Variants in LRGUK observed in about 807,000 individuals in gnomAD.
The protein encoded by LRGUK is leucine-rich repeat and guanylate kinase domain-containing protein.
LRGUK carries 65 observed loss-of-function variants against 76.0 expected under a neutral mutation model. The ratio of observed to expected loss-of-function variants is 0.85; its 90% CI spans 0.70 to 1.05. LRGUK has a LOEUF of 1.05. LRGUK is among the 50% of genes least tolerant of loss of function. The pLI, the probability that LRGUK is intolerant of heterozygous loss-of-function variation, is 0.00. For missense variants in LRGUK, 758 were observed against 732.8 expected (o/e 1.03, Z -0.40); for synonymous variants, 268 against 265.6 (o/e 1.01, Z -0.09).
At chr7:134,130,780 C>T (rs376617646) in intron 1 of LRGUK, among the ~76,000 whole-genome samples, 60 of 152,250 alleles carry the variant, frequency 3.9e-4, no homozygotes, top group East Asian at 2.7e-3. Context: ...GCAGTATGGA[C>T]CACCTGTTCA....
At chr7:134,183,993 A>G in intron 11 of LRGUK, 140 bp downstream of exon 11, 1 of 1,139,542 alleles carries the variant, frequency 8.8e-7, no homozygotes, top group Non-Finnish European at 1.2e-6. Flanking sequence ...AAACAACTTA[A>G]TATTTAAGTT....
chr7:134,218,593 A>G (rs1345636601), intron 15 of LRGUK, among the ~76,000 whole-genome samples: 1 of 152,196 alleles, frequency 6.6e-6, no homozygotes, highest in Non-Finnish European at 1.5e-5. Flanking sequence ...TGACCTGGCT[A>G]CATGCCTGTG....
chr7:134,156,596 T>C (rs1798469939), intron 5 of LRGUK, among the ~76,000 whole-genome samples: 1 of 152,130 alleles, frequency 6.6e-6, no homozygotes, highest in African/African-American at 2.4e-5. Context: ...CTGGCAGAAA[T>C]AGGGAATTCT....
At chr7:134,236,317 C>T (rs1352867409) in intron 16 of LRGUK, among the ~76,000 whole-genome samples, 1 of 152,102 alleles carries the variant, frequency 6.6e-6, no homozygotes, top group Non-Finnish European at 1.5e-5. Flanking sequence ...GGTTTTATTG[C>T]ACAAGTGTGC....
At chr7:134,205,718 CA>C (rs1198572472) in intron 15 of LRGUK, among the ~76,000 whole-genome samples, 1 of 151,842 alleles carries the variant, frequency 6.6e-6, no homozygotes, top group Non-Finnish European at 1.5e-5. Flanking sequence ...AACCAATAAC[CA>C]TTAACTTGAT....
In LRGUK at chr7:134,252,417, G is replaced by A. The variant is rs148594396; in HGVS notation, c.2198+3341G>A. Among the ~76,000 whole-genome samples, 862 of 152,178 alleles carry A rather than the reference G, an allele frequency of 5.7e-3. 11 individuals carry two copies. The highest frequency in any genetic ancestry group is 0.019 in the African/African-American group (803 of 41,494). On this transcript the variant is annotated intron_variant, in intron 18 of 19. Transcript: ENST00000285928. ...ATTCTGGCATAGAATTCCAAAAGCT[G>A]TCGTCCAACAAAAAGAAGACAGTCC...
At chr7:134,254,746 A>C (rs1802532830) in intron 18 of LRGUK, among the ~76,000 whole-genome samples, 1 of 152,242 alleles carries the variant, frequency 6.6e-6, no homozygotes. Context: ...ATATGCAAAG[A>C]TATTCATTAT....
At chr7:134,174,107 C>CA (rs112357506) in intron 7 of LRGUK, among the ~76,000 whole-genome samples, 992 of 79,928 alleles carry the variant, frequency 0.012, 10 homozygotes, top group South Asian at 0.038. Flanking sequence ...GACTCCATCG[C>CA]AAAAAAAAAA....
chr7:134,214,787 C>T (rs1801392440), downstream of LRGUK, among the ~76,000 whole-genome samples: 1 of 139,812 alleles, frequency 7.2e-6, no homozygotes. Flanking sequence ...CACACACACA[C>T]ACACACACAC....
intron 16 of LRGUK, among the ~76,000 whole-genome samples, chr7:134,237,054 T>C (rs868806721): frequency 0.056 from 7,650 of 137,192 alleles, 306 homozygotes; most frequent in African/African-American, 0.16. Flanking sequence ...CTCTTTCTTT[T>C]TTTTTTTTTT....
intron 18 of LRGUK, among the ~76,000 whole-genome samples, chr7:134,249,562 A>T (rs1802394598): frequency 6.6e-6 from 1 of 152,118 alleles, no homozygotes. Flanking sequence ...CCTTTTTAAT[A>T]TTCACCTTGG....
chr7:134,233,047 A>AAAT (rs1801937944), intron 16 of LRGUK, among the ~76,000 whole-genome samples: 1 of 152,222 alleles, frequency 6.6e-6, no homozygotes, highest in African/African-American at 2.4e-5. Flanking sequence ...CTGTTGCAAA[A>AAAT]AATATATAAC....
At chr7:134,202,330 C>T (rs78975448) in intron 15 of LRGUK, among the ~76,000 whole-genome samples, 1 of 144,348 alleles carries the variant, frequency 6.9e-6, no homozygotes, top group Non-Finnish European at 1.5e-5. Flanking sequence ...AAAAAAAAAA[C>T]AGAAATTAAC....
chr7:134,239,991 G>C (rs1802103709), intron 16 of LRGUK, among the ~76,000 whole-genome samples: 1 of 152,216 alleles, frequency 6.6e-6, no homozygotes, highest in Admixed American at 6.5e-5. Context: ...TGAGGGTTCT[G>C]ACTGTTAGAA....
chr7:134,146,062 C>T (rs1797956378), intron 4 of LRGUK, among the ~76,000 whole-genome samples: 1 of 152,074 alleles, frequency 6.6e-6, no homozygotes, highest in African/African-American at 2.4e-5. Context: ...CACTTGAGGT[C>T]AGGGGTTCAA....
chr7:134,268,778 G>A (rs2544190), downstream of LRGUK, among the ~76,000 whole-genome samples: 13,020 of 127,722 alleles, frequency 0.1, 1,635 homozygotes, highest in African/African-American at 0.3. Flanking sequence ...TGCCCAGGCT[G>A]GAGTGCAGTA....
intron 13 of LRGUK, among the ~76,000 whole-genome samples, chr7:134,197,407 T>C (rs1800543608): frequency 6.6e-6 from 1 of 152,198 alleles, no homozygotes; most frequent in South Asian, 2.1e-4. Context: ...TGCACAGATA[T>C]TGTGAGTGAA....
chr7:134,217,943 A>G (rs1049817860), intron 15 of LRGUK, among the ~76,000 whole-genome samples: 2 of 151,772 alleles, frequency 1.3e-5, no homozygotes, highest in African/African-American at 2.4e-5. Flanking sequence ...AACCCTCACT[A>G]TATGGTTTTG....
chr7:134,239,522 A>G (rs1802089148), intron 16 of LRGUK, among the ~76,000 whole-genome samples: 1 of 152,206 alleles, frequency 6.6e-6, no homozygotes, highest in Non-Finnish European at 1.5e-5. Flanking sequence ...GCCATTGCTG[A>G]GGCTTGAGTA....
Sources: gnomAD v4.1 joint callset for allele counts (sites outside exome capture counted in the v4.1 genomes callset) on GRCh38, gnomAD v4.1.1 for gene constraint, MANE v1.5 for transcripts, NCBI Gene and HGNC (gene_info 2026-07-23, HGNC 2026-07-21) for gene names.